The following HPSE2 variants were observed in gnomAD, a reference collection of about 807,000 sequenced individuals.
HPSE2 encodes heparanase 2 (inactive), also known as inactive heparanase-2.
A neutral mutation model predicts 60.5 loss-of-function variants in HPSE2; 38 were observed. The observed-to-expected ratio is 0.63, with a 90% CI of 0.48 to 0.82. The LOEUF is 0.82. Among genes scored for constraint, HPSE2 ranks in the 40% least tolerant of loss-of-function variants. The pLI is 0.00. For synonymous variants in HPSE2, 295 were observed against 293.2 expected, an observed-to-expected ratio of 1.01 and a Z score of -0.06; for missense variants, 713 against 740.4, an observed-to-expected ratio of 0.96 and a Z score of 0.43.
chr10:98,561,181 T>G (rs1473080658), intron 9 of HPSE2, among the ~76,000 whole-genome samples: 1 of 151,312 alleles, frequency 6.6e-6, no homozygotes, highest in Non-Finnish European at 1.5e-5. Context: ...TTTTTTGTTT[T>G]TTTGACACAG....
chr10:99,083,513 T>C (rs1843214806), intron 3 of HPSE2, among the ~76,000 whole-genome samples: 1 of 152,206 alleles, frequency 6.6e-6, no homozygotes. Flanking sequence ...AAATCCCTTC[T>C]TCCATTTTTT....
At chr10:98,507,636 TCTAG>T (rs1942246119) in intron 9 of HPSE2, among the ~76,000 whole-genome samples, 1 of 152,168 alleles carries the variant, frequency 6.6e-6, no homozygotes, top group African/African-American at 2.4e-5. Flanking sequence ...CCCTATCTAT[TCTAG>T]CTATTTTTTT....
rs1943764526 is a variant in HPSE2, at chr10:98,548,580, G to A, written c.1321-58384C>T. Among the ~76,000 whole-genome samples the A allele has an allele frequency of 2.0e-5, 3 of 151,300 alleles. No individual in the cohort carries two copies. In the South Asian group the frequency reaches 6.3e-4, roughly 32 times the overall value. ...TGTAGTGAGTGGAAATAGTGCCACC[G>A]TACTCTAGCCTGGGCAACAGAGTGA... On this transcript the variant is annotated intron_variant, in intron 9 of 11. Transcript: ENST00000370552.
chr10:98,523,973 C>T (rs938219127), intron 9 of HPSE2, among the ~76,000 whole-genome samples: 1 of 152,172 alleles, frequency 6.6e-6, no homozygotes, highest in Non-Finnish European at 1.5e-5. Flanking sequence ...TTCATAATAT[C>T]ATAAAAGATT....
intron 3 of HPSE2, among the ~76,000 whole-genome samples, chr10:99,132,233 GAGAGAGAGAGAA>G (rs1212253315): frequency 1.1e-4 from 2 of 17,708 alleles, no homozygotes; most frequent in African/African-American, 2.1e-4. Context: ...GAGAGAGAGA[GAGAGAGAGAGAA>G]AGAAAGAAAG....
At chr10:98,788,717 T>G (rs1950587859) in intron 3 of HPSE2, among the ~76,000 whole-genome samples, 1 of 151,898 alleles carries the variant, frequency 6.6e-6, no homozygotes, top group African/African-American at 2.4e-5. Flanking sequence ...TCCAGGTGCG[T>G]CCGTCACCCC....
intron 3 of HPSE2, among the ~76,000 whole-genome samples, chr10:98,952,140 C>T (rs572213172): frequency 5.9e-5 from 9 of 152,272 alleles, no homozygotes; most frequent in East Asian, 1.9e-4. Context: ...TTGTTTTTCA[C>T]TTGTCATGGT....
chr10:98,987,249 A>G (rs1490422580), intron 3 of HPSE2, among the ~76,000 whole-genome samples: 1 of 152,220 alleles, frequency 6.6e-6, no homozygotes, highest in Admixed American at 6.5e-5. Context: ...AATCCTCAAT[A>G]AAATACTGGC....
intron 3 of HPSE2, among the ~76,000 whole-genome samples, chr10:98,825,872 G>C (rs1344951124): frequency 6.6e-6 from 1 of 152,186 alleles, no homozygotes; most frequent in Non-Finnish European, 1.5e-5. Context: ...GTGCCAAACA[G>C]CTGCAGCCAT....
chr10:99,123,291 G>T (rs1845031048), intron 3 of HPSE2, among the ~76,000 whole-genome samples: 1 of 152,052 alleles, frequency 6.6e-6, no homozygotes, highest in Non-Finnish European at 1.5e-5. Context: ...AAAAGGCATA[G>T]AATATGAAAA....
intron 3 of HPSE2, among the ~76,000 whole-genome samples, chr10:99,065,712 A>T (rs1172178171): frequency 1.3e-5 from 2 of 152,236 alleles, no homozygotes; most frequent in Admixed American, 1.3e-4. Context: ...CCAAGGCTTG[A>T]AGAGTGAGTA....
intron 3 of HPSE2, among the ~76,000 whole-genome samples, chr10:98,888,021 A>G (rs1407883958): frequency 6.6e-6 from 1 of 152,034 alleles, no homozygotes; most frequent in African/African-American, 2.4e-5. Flanking sequence ...ATAGTCAATA[A>G]TAATTGTATA....
At chr10:99,258,885 C>T in the HPSE2 span, among the ~76,000 whole-genome samples, 1 of 152,182 alleles carries the variant, frequency 6.6e-6, no homozygotes, top group Non-Finnish European at 1.5e-5. Context: ...ACAGACCTAA[C>T]TATAAACCTA....
intron 2 of HPSE2, among the ~76,000 whole-genome samples, chr10:99,155,878 G>A (rs1211845758): frequency 3.3e-5 from 5 of 151,994 alleles, no homozygotes; most frequent in Middle Eastern, 3.4e-3. Flanking sequence ...AAGAAAAAAA[G>A]AAGAATCAAA....
chr10:98,724,662 C>CATATATATCCTAAAT (rs1403126946), intron 4 of HPSE2, among the ~76,000 whole-genome samples: 1 of 152,084 alleles, frequency 6.6e-6, no homozygotes, highest in Non-Finnish European at 1.5e-5. Flanking sequence ...GTACTGGGTG[C>CATATATATCCTAAAT]ATATATATTT....
intron 3 of HPSE2, among the ~76,000 whole-genome samples, chr10:99,110,746 AATC>A (rs1844425934): frequency 1.3e-5 from 2 of 152,154 alleles, no homozygotes; most frequent in African/African-American, 4.8e-5. Context: ...GCATCAGTCA[AATC>A]ATCATTATTT....
intron 9 of HPSE2, among the ~76,000 whole-genome samples, chr10:98,578,094 C>T (rs1347392412): frequency 6.6e-6 from 1 of 152,188 alleles, no homozygotes; most frequent in Non-Finnish European, 1.5e-5. Flanking sequence ...GAGTCTGCTT[C>T]TCAAGCTGGC....
At position 99,037,098 on chromosome 10, in the gene HPSE2, C is replaced by A. The variant is rs543290798; in HGVS notation, c.610+107140G>T. ...CAAAAATCCATAACTTCAGTCTAAA[C>A]ATAGGAAAACACTAGACAAACCCAA... On this transcript the variant is annotated intron_variant, in intron 3 of 11. Coordinates refer to ENST00000370552, the MANE Select transcript of HPSE2 (RefSeq NM_021828.5). 3.2e-4 allele frequency among the ~76,000 whole-genome samples: 49 copies of A among 152,228 alleles called. 2 individuals carry two copies. In the South Asian group the frequency reaches 0.01, roughly 32 times the overall value.
At chr10:99,211,175 C>CAA (rs564869622) in intron 2 of HPSE2, among the ~76,000 whole-genome samples, 1 of 146,528 alleles carries the variant, frequency 6.8e-6, no homozygotes, top group African/African-American at 2.5e-5. Flanking sequence ...ATAGCTTTTA[C>CAA]AAAAAAAAAA....
Sources: gnomAD v4.1 joint callset for allele counts (sites outside exome capture counted in the v4.1 genomes callset) on GRCh38, gnomAD v4.1.1 for gene constraint, MANE v1.5 for transcripts, NCBI Gene and HGNC (gene_info 2026-07-23, HGNC 2026-07-21) for gene names.